The following PCDHA5 variants were observed in gnomAD, a reference collection of about 807,000 sequenced individuals.
PCDHA5 encodes protocadherin alpha-5.
A neutral mutation model predicts 61.6 loss-of-function variants in PCDHA5; 43 were observed. The ratio of observed to expected loss-of-function variants is 0.70; its 90% CI spans 0.55 to 0.90. PCDHA5 has a LOEUF of 0.90. PCDHA5 is among the 40% of genes least tolerant of loss of function. PCDHA5 has a pLI of 0.00. For missense variants in PCDHA5, 1,298 were observed against 1,222.7 expected (o/e 1.06, Z -0.92); for synonymous variants, 627 against 543.9 (o/e 1.15, Z -2.13).
chr5:140,969,325 A>G (rs1490022353), intron 1 of PCDHA5: 1 of 1,614,000 alleles, frequency 6.2e-7, no homozygotes, highest in Non-Finnish European at 8.5e-7. Context: ...CTGTTTCTCA[A>G]AATGAGGTGA....
intron 1 of PCDHA5, chr5:140,883,393 C>T (rs781845683): frequency 1.2e-6 from 2 of 1,614,160 alleles, no homozygotes; most frequent in South Asian, 2.2e-5. Flanking sequence ...TCAGTGTGTC[C>T]GATCGTGACT....
At chr5:140,884,498 G>C in intron 1 of PCDHA5, 5 of 1,614,076 alleles carry the variant, frequency 3.1e-6, no homozygotes, top group Non-Finnish European at 4.2e-6. Context: ...GTGCTCCAGC[G>C]CGGCAGGGAG....
intron 1 of PCDHA5, among the ~76,000 whole-genome samples, chr5:140,903,821 A>G (rs2153482193): frequency 6.6e-6 from 1 of 152,320 alleles, no homozygotes. Context: ...TCTCACATGA[A>G]TGTCTGTTGG....
intron 1 of PCDHA5, among the ~76,000 whole-genome samples, chr5:140,886,928 C>T (rs2061230435): frequency 6.6e-6 from 1 of 151,686 alleles, no homozygotes; most frequent in African/African-American, 2.4e-5. Flanking sequence ...TCTCTATGTG[C>T]CAGGCATGTT....
intron 1 of PCDHA5, chr5:140,836,683 C>T (rs2150267743): frequency 6.8e-6 from 11 of 1,613,526 alleles, no homozygotes; most frequent in Non-Finnish European, 9.3e-6. Context: ...CCACCCAAGA[C>T]AGACCTCATG....
chr5:140,982,300 GCTT>G, intron 2 of PCDHA5, 172 bp from the exon 3 acceptor site: 2 of 1,204,624 alleles, frequency 1.7e-6, no homozygotes, highest in Non-Finnish European at 1.1e-6. Context: ...AGTCAGCAAT[GCTT>G]CTGCAGTTTA....
At chr5:140,964,584 A>G (rs1347418719) in intron 1 of PCDHA5, among the ~76,000 whole-genome samples, 2 of 152,132 alleles carry the variant, frequency 1.3e-5, no homozygotes, top group African/African-American at 4.8e-5. Context: ...GGGAGGAAAG[A>G]TCACTTTTCA....
chr5:140,849,480 C>G (rs1554142971), intron 1 of PCDHA5: 1 of 1,590,328 alleles, frequency 6.3e-7, no homozygotes, highest in African/African-American at 1.4e-5. Context: ...AGGCTTCCCA[C>G]CCCTGGCTGG....
chr5:140,830,469 A>C (rs2150186918), intron 1 of PCDHA5: 5 of 1,570,612 alleles, frequency 3.2e-6, no homozygotes, highest in Non-Finnish European at 8.7e-7. Flanking sequence ...GATTTAAATG[A>C]AGATCATGAT....
Position 140,979,061 on chromosome 5 carries a change from A to G in PCDHA5, c.2411+54A>G, listed in dbSNP as rs374803810. 155 of 1,605,246 alleles carry G rather than the reference A, an allele frequency of 9.7e-5. No individual in the cohort carries two copies. The African/African-American group carries it at 1.8e-3, about 19-fold the overall frequency. On this transcript the variant is annotated intron_variant, in intron 2 of 3. Coordinates refer to ENST00000529859, the MANE Select transcript of PCDHA5 (RefSeq NM_018908.3). ...AAGTAACCTTAACTTGGTATGGCTC[A>G]GATAAACTGCATCTCCATAGGCCAG...
chr5:140,952,873 A>G (rs1554220663), intron 1 of PCDHA5, among the ~76,000 whole-genome samples: 1 of 152,168 alleles, frequency 6.6e-6, no homozygotes, highest in South Asian at 2.1e-4. Context: ...GGAAACTTAC[A>G]ATCATGGTGG....
At chr5:140,824,610 G>GTTTTTTTTTTTTGT (rs1768201083) in intron 1 of PCDHA5, 1 of 95,104 alleles carries the variant, frequency 1.1e-5, no homozygotes, top group African/African-American at 4.9e-5. Context: ...GCTAATTAAA[G>GTTTTTTTTTTTTGT]TTTTTTTTTT....
chr5:140,970,026 T>A (rs2153783055), intron 1 of PCDHA5, among the ~76,000 whole-genome samples: 1 of 152,304 alleles, frequency 6.6e-6, no homozygotes, highest in Non-Finnish European at 1.5e-5. Context: ...GGCAGAGAGA[T>A]TAAGTACCAA....
intron 1 of PCDHA5, chr5:140,968,417 G>T (rs1459159857): frequency 3.7e-6 from 6 of 1,614,036 alleles, no homozygotes; most frequent in Non-Finnish European, 5.1e-6. Flanking sequence ...GACTGTGGAG[G>T]CTCAGGACAA....
At chr5:140,966,914 G>C in intron 1 of PCDHA5, 2 of 1,602,270 alleles carry the variant, frequency 1.2e-6, no homozygotes, top group Non-Finnish European at 1.7e-6. Flanking sequence ...CTCTGTGCCA[G>C]AGGAGCAGGC....
chr5:140,937,197 C>T (rs1228010742), intron 1 of PCDHA5, among the ~76,000 whole-genome samples: 2 of 151,938 alleles, frequency 1.3e-5, no homozygotes, highest in African/African-American at 2.4e-5. Flanking sequence ...GCCACCATGC[C>T]CGGCTAATTT....
At chr5:140,876,135 A>T (rs782217370) in intron 1 of PCDHA5, 2 of 1,613,954 alleles carry the variant, frequency 1.2e-6, no homozygotes, top group Admixed American at 3.3e-5. Context: ...GTAAACCAGA[A>T]CTAACAGGGT....
intron 1 of PCDHA5, among the ~76,000 whole-genome samples, chr5:140,949,282 T>C (rs1308331025): frequency 6.6e-6 from 1 of 151,850 alleles, no homozygotes; most frequent in African/African-American, 2.4e-5. Flanking sequence ...GAAAAGAATG[T>C]ATATTCTGTA....
At chr5:140,848,439 G>T in intron 1 of PCDHA5, 4 of 1,486,148 alleles carry the variant, frequency 2.7e-6, no homozygotes, top group South Asian at 2.5e-5. Flanking sequence ...GAAATCAGAT[G>T]ATTTCTTCTA....
Sources: gnomAD v4.1 joint callset for allele counts (sites outside exome capture counted in the v4.1 genomes callset) on GRCh38, gnomAD v4.1.1 for gene constraint, MANE v1.5 for transcripts, NCBI Gene and HGNC (gene_info 2026-07-23, HGNC 2026-07-21) for gene names.